Variants in ADAMTS6 observed in about 807,000 individuals in gnomAD.
ADAMTS6 encodes ADAM metallopeptidase with thrombospondin type 1 motif 6.
In ADAMTS6, 23 loss-of-function variants were observed where a neutral mutation model predicts 144.3. That is an observed-to-expected ratio of 0.16 (90% CI 0.11 to 0.23). The LOEUF is 0.23. Ranked by LOEUF, ADAMTS6 falls within the 10% of genes least tolerant of loss-of-function variation. The pLI is 1.00. For missense variants in ADAMTS6, 999 were observed against 1,379.6 expected (o/e 0.72, Z 4.37); for synonymous variants, 444 against 457.5 (o/e 0.97, Z 0.38).
intron 24 of ADAMTS6, among the ~76,000 whole-genome samples, chr5:65,156,957 C>T (rs1340992259): frequency 6.6e-6 from 1 of 152,214 alleles, no homozygotes; most frequent in African/African-American, 2.4e-5. Flanking sequence ...TTTTACACCC[C>T]ACTCCACCCC....
intron 7 of ADAMTS6, among the ~76,000 whole-genome samples, chr5:65,392,518 T>C (rs868727923): frequency 6.6e-6 from 1 of 152,206 alleles, no homozygotes. Context: ...TTACAAACTA[T>C]TACTATACTT....
chr5:65,272,061 A>G (rs1464567103), intron 12 of ADAMTS6, among the ~76,000 whole-genome samples: 1 of 152,180 alleles, frequency 6.6e-6, no homozygotes, highest in Admixed American at 6.5e-5. Context: ...GCACTAGGTC[A>G]TGGGTCCTGA....
At position 65,300,097 on chromosome 5, in the gene ADAMTS6, A is replaced by G; in HGVS notation, c.1258T>C (p.Cys420Arg). 6.2e-7 allele frequency: 1 copy of G among 1,614,132 alleles called. No homozygotes were observed. The highest frequency in any genetic ancestry group is 1.7e-5 in the Admixed American group (1 of 60,010). ...GCTGCTTCATGACCTTTCGTCCCAC[A>G]AGAATTTCCAATTCCATCATGGTTC... ...GMNHDGIGNSCGTKGHEAAKL... is the reference protein window; with the variant it reads ...GMNHDGIGNSRGTKGHEAAKL... Residue 420 changes from cysteine to arginine, a missense_variant, in exon 10 of 25, where the codon TGT becomes CGT. This residue lies in a region of ADAMTS6 where 128 missense variants were observed against 249.0 expected (regional missense o/e 0.51). Coordinates refer to ENST00000381055, the MANE Select transcript of ADAMTS6 (RefSeq NM_197941.4).
chr5:65,237,679 T>C (rs910413807), intron 15 of ADAMTS6, among the ~76,000 whole-genome samples: 1 of 152,162 alleles, frequency 6.6e-6, no homozygotes, highest in Non-Finnish European at 1.5e-5. Flanking sequence ...GAAAAATATT[T>C]ACAAATTTAA....
intron 24 of ADAMTS6, among the ~76,000 whole-genome samples, chr5:65,163,756 A>C (rs1752936698): frequency 6.6e-6 from 1 of 152,144 alleles, no homozygotes; most frequent in Non-Finnish European, 1.5e-5. Context: ...GTTCATGTGC[A>C]TATATTTGAC....
chr5:65,321,866 C>T (rs779364234), intron 9 of ADAMTS6, among the ~76,000 whole-genome samples: 1 of 151,946 alleles, frequency 6.6e-6, no homozygotes, highest in Non-Finnish European at 1.5e-5. Context: ...CAGGCATGTG[C>T]CACCATGCCT....
At chr5:65,152,617 A>G (rs1280465976) in intron 24 of ADAMTS6, among the ~76,000 whole-genome samples, 1 of 152,206 alleles carries the variant, frequency 6.6e-6, no homozygotes, top group Non-Finnish European at 1.5e-5. Context: ...TTTTCTCCTC[A>G]GTGCTAGAAC....
rs10940036 is a variant in ADAMTS6 at position 65,473,761 on chromosome 5, T to A, written c.-88A>T. On this transcript the variant is annotated 5_prime_UTR_variant, in exon 2 of 25. Transcript: ENST00000381055. The stretch of plus-strand genomic sequence containing the variant: ...CAAAATCGAAGCATAACAATTTTAT[T>A]TCTTTAAAACTTCTTGCAAATTAGT... 1 of 1,050,128 alleles carries A rather than the reference T, an allele frequency of 9.5e-7. No individual in the cohort carries two copies. The highest frequency in any genetic ancestry group is 1.6e-5 in the African/African-American group (1 of 62,736). The allele number at this position is 1,050,128 out of a possible 1,614,324, so 65.1% of individuals were successfully genotyped here.
At chr5:65,242,897 A>T (rs1759317407) in intron 14 of ADAMTS6, among the ~76,000 whole-genome samples, 2 of 152,036 alleles carry the variant, frequency 1.3e-5, no homozygotes, top group Admixed American at 1.3e-4. Context: ...AAAAAGGATT[A>T]TCTGTTTTTA....
intron 7 of ADAMTS6, among the ~76,000 whole-genome samples, chr5:65,372,299 G>C (rs949845850): frequency 6.6e-6 from 1 of 151,624 alleles, no homozygotes; most frequent in Admixed American, 6.6e-5. Context: ...CCAATTAAAA[G>C]ACACAGACTG....
chr5:65,191,880 T>G (rs1359058553), intron 21 of ADAMTS6, among the ~76,000 whole-genome samples: 1 of 152,098 alleles, frequency 6.6e-6, no homozygotes. Context: ...ATTAGATGTA[T>G]CAAAGTGCCA....
intron 7 of ADAMTS6, among the ~76,000 whole-genome samples, chr5:65,363,749 T>C (rs1462721326): frequency 1.3e-5 from 2 of 152,180 alleles, no homozygotes; most frequent in African/African-American, 4.8e-5. Context: ...ATAAGAGACT[T>C]TTAAATAATC....
chr5:65,324,295 AATGGAGC>A (rs548181513), intron 9 of ADAMTS6, among the ~76,000 whole-genome samples: 296 of 152,266 alleles, frequency 1.9e-3, no homozygotes, highest in African/African-American at 6.8e-3. Flanking sequence ...TAAAAATTAA[AATGGAGC>A]ATAGATCTAA....
At chr5:65,444,321 G>A (rs868074689) in intron 7 of ADAMTS6, among the ~76,000 whole-genome samples, 1 of 152,138 alleles carries the variant, frequency 6.6e-6, no homozygotes, top group Non-Finnish European at 1.5e-5. Context: ...AGCTGAGATC[G>A]TGCCATTGCT....
At chr5:65,395,632 C>G (rs1032293083) in intron 7 of ADAMTS6, among the ~76,000 whole-genome samples, 2 of 152,126 alleles carry the variant, frequency 1.3e-5, no homozygotes, top group African/African-American at 4.8e-5. Flanking sequence ...ACTAACCATG[C>G]CTCCCCAACC....
At chr5:65,365,139 C>A (rs1750190122) in intron 7 of ADAMTS6, among the ~76,000 whole-genome samples, 2 of 152,098 alleles carry the variant, frequency 1.3e-5, no homozygotes, top group South Asian at 4.2e-4. Context: ...AGAAAGACCA[C>A]TGCAATCAGG....
intron 8 of ADAMTS6, among the ~76,000 whole-genome samples, chr5:65,332,035 T>G (rs1746773383): frequency 6.6e-6 from 1 of 151,816 alleles, no homozygotes; most frequent in South Asian, 2.1e-4. Flanking sequence ...AAAAATAAAA[T>G]GAGAAGTAGC....
chr5:65,453,998 G>GTGA (rs1758973117), intron 4 of ADAMTS6, among the ~76,000 whole-genome samples: 1 of 152,180 alleles, frequency 6.6e-6, no homozygotes, highest in Admixed American at 6.6e-5. Context: ...CCTTTAAGAG[G>GTGA]TGATTAAAAC....
In ADAMTS6 at chr5:65,272,766, CA is replaced by C. The variant is rs1210189769; in HGVS notation, c.1620+573del. On this transcript the variant is annotated intron_variant, in intron 12 of 24. Transcript: ENST00000381055. ...GAAACCCCGTCTCTACCGAAAAATACAAAAATTAGCTGGGCGTGGTGGTGTG... is the reference window on the plus strand; with the variant it reads ...GAAACCCCGTCTCTACCGAAAAATACAAAATTAGCTGGGCGTGGTGGTGTG... Among the ~76,000 whole-genome samples, 4 of 151,712 alleles carry C rather than the reference CA, an allele frequency of 2.6e-5. No individual in the cohort carries two copies. The East Asian group carries it at 7.8e-4, about 30-fold the overall frequency.
Sources: allele counts gnomAD v4.1 joint callset (sites outside exome capture counted in the v4.1 genomes callset), GRCh38; gene constraint gnomAD v4.1.1; regional missense constraint gnomAD v4.1.1; transcripts MANE v1.5; gene names NCBI Gene and HGNC (gene_info 2026-07-23, HGNC 2026-07-21).